Variants in SND1 observed in about 807,000 individuals in gnomAD.
SND1 encodes staphylococcal nuclease domain-containing protein 1.
Under a neutral mutation model 121.7 loss-of-function variants are expected in SND1, and 38 were observed. The ratio of observed to expected loss-of-function variants is 0.31; its 90% CI spans 0.24 to 0.41. The LOEUF (loss-of-function observed/expected upper bound fraction) is 0.41. Ranked by LOEUF, SND1 falls within the 10% of genes least tolerant of loss-of-function variation. The probability of loss-of-function intolerance (pLI) is 1.00; values close to 1 mark genes in which losing one functional copy is unlikely to be tolerated. For missense variants in SND1, 868 were observed against 1,184.6 expected (o/e 0.73, Z 3.92); for synonymous variants, 401 against 447.4 (o/e 0.90, Z 1.31).
intron 1 of SND1, among the ~76,000 whole-genome samples, chr7:127,653,027 G>C (rs1470993885): frequency 1.3e-5 from 2 of 152,144 alleles, no homozygotes; most frequent in Non-Finnish European, 2.9e-5. Context: ...AAGAATCTTA[G>C]TAATCATCAT....
intron 16 of SND1, among the ~76,000 whole-genome samples, chr7:127,994,294 T>TA (rs1276615114): frequency 6.6e-6 from 1 of 152,140 alleles, no homozygotes; most frequent in Non-Finnish European, 1.5e-5. Context: ...CCTGCCCTCT[T>TA]ACGTTGCATT....
intron 3 of SND1, among the ~76,000 whole-genome samples, chr7:127,697,958 CAT>C (rs1362810713): frequency 6.6e-6 from 1 of 152,168 alleles, no homozygotes; most frequent in African/African-American, 2.4e-5. Flanking sequence ...ATTATTCCCT[CAT>C]AGATGTCTTC....
intron 14 of SND1, among the ~76,000 whole-genome samples, chr7:127,917,219 G>A (rs1031718424): frequency 1.3e-5 from 2 of 152,110 alleles, no homozygotes; most frequent in Non-Finnish European, 2.9e-5. Context: ...AAAGCCACTG[G>A]GTGGGGTAAG....
intron 14 of SND1, among the ~76,000 whole-genome samples, chr7:127,920,858 CAAA>C (rs34784173): frequency 1.7e-5 from 2 of 120,408 alleles, no homozygotes; most frequent in Admixed American, 8.6e-5. Context: ...CTTATCTTAA[CAAA>C]AAAAAAAAAA....
At chr7:127,678,470 A>G (rs1047089543) in intron 1 of SND1, among the ~76,000 whole-genome samples, 6 of 152,186 alleles carry the variant, frequency 3.9e-5, no homozygotes, top group Admixed American at 1.3e-4. Context: ...CCAGTGAGTC[A>G]GCACTGCCAT....
At chr7:127,870,227 A>C (rs1563042068) in intron 12 of SND1, among the ~76,000 whole-genome samples, 1 of 152,150 alleles carries the variant, frequency 6.6e-6, no homozygotes, top group Non-Finnish European at 1.5e-5. Flanking sequence ...TTTAATACTT[A>C]CTGTGCAGTA....
chr7:128,087,711 C>T (rs1464734204), intron 21 of SND1, among the ~76,000 whole-genome samples: 4 of 152,114 alleles, frequency 2.6e-5, no homozygotes, highest in African/African-American at 9.7e-5. Context: ...TAGTTAAAAC[C>T]ATGCGGTGTA....
intron 12 of SND1, among the ~76,000 whole-genome samples, chr7:127,882,695 C>T (rs1469802442): frequency 1.3e-5 from 2 of 152,106 alleles, no homozygotes; most frequent in East Asian, 3.9e-4. Context: ...CTTTTGGCTG[C>T]TAATGAAAGG....
intron 4 of SND1, among the ~76,000 whole-genome samples, chr7:127,699,305 C>T (rs766524475): frequency 6.6e-6 from 1 of 152,262 alleles, no homozygotes; most frequent in African/African-American, 2.4e-5. Flanking sequence ...TTTCTAGGCA[C>T]TGAGAATATA....
At chr7:127,666,443 T>C (rs1360522895) in intron 1 of SND1, among the ~76,000 whole-genome samples, 10 of 151,962 alleles carry the variant, frequency 6.6e-5, no homozygotes, top group Non-Finnish European at 1.3e-4. Context: ...CCTCAGAAAA[T>C]TGATTTTTGG....
chr7:128,007,653 A>C (rs1380435927), intron 16 of SND1, among the ~76,000 whole-genome samples: 1 of 152,242 alleles, frequency 6.6e-6, no homozygotes, highest in East Asian at 1.9e-4. Context: ...TGGGAAACTC[A>C]ATCTAGTTAT....
At chr7:127,652,513 C>A in intron 1 of SND1, 62 bp downstream of exon 1, 3 of 1,353,614 alleles carry the variant, frequency 2.2e-6, no homozygotes, top group Non-Finnish European at 2.0e-6. Flanking sequence ...CAGGCATTGA[C>A]TCCACCTTCC....
chr7:127,774,071 T>C (rs774179641), intron 10 of SND1, among the ~76,000 whole-genome samples: 6 of 152,206 alleles, frequency 3.9e-5, no homozygotes, highest in Non-Finnish European at 7.3e-5. Flanking sequence ...GTATACTCTT[T>C]CTGCTTATTT....
At chr7:127,965,892 CTT>C (rs1179481883) in intron 15 of SND1, among the ~76,000 whole-genome samples, 1 of 24,432 alleles carries the variant, frequency 4.1e-5, no homozygotes, top group African/African-American at 1.8e-4. Context: ...GTCCTGGACT[CTT>C]TTTGGTTGGT....
At position 127,710,212 on chromosome 7, in the gene SND1, C is replaced by T. The variant is rs141299126; in HGVS notation, c.1038+2565C>T. Among the ~76,000 whole-genome samples the T allele has an allele frequency of 3.0e-4, 45 of 152,106 alleles. No homozygotes were observed. The East Asian group carries it at 7.9e-3, about 27-fold the overall frequency. On this transcript the variant is annotated intron_variant, in intron 9 of 23. Transcript: ENST00000354725. ...AAATTGGAACATAGCTATATGTGTT[C>T]GCTTGTGTATTGTGTGTGTCTGTTC... is the stretch of plus-strand genomic sequence containing the variant.
chr7:127,959,739 C>T (rs1173068070), intron 15 of SND1, among the ~76,000 whole-genome samples: 5 of 152,158 alleles, frequency 3.3e-5, no homozygotes, highest in Non-Finnish European at 7.3e-5. Flanking sequence ...CTCTCTCCAC[C>T]AGGATGTTAA....
intron 2 of SND1, among the ~76,000 whole-genome samples, chr7:127,692,947 G>T (rs1455214209): frequency 6.6e-6 from 1 of 152,210 alleles, no homozygotes; most frequent in African/African-American, 2.4e-5. Context: ...GCAGGGGCTA[G>T]TTATTTTCCT....
intron 15 of SND1, among the ~76,000 whole-genome samples, chr7:127,978,541 T>C (rs1802181577): frequency 6.6e-6 from 1 of 151,986 alleles, no homozygotes; most frequent in Non-Finnish European, 1.5e-5. Context: ...TGATCAGACG[T>C]ACAGGAAAGT....
intron 15 of SND1, among the ~76,000 whole-genome samples, chr7:127,978,121 C>T (rs757459123): frequency 3.3e-5 from 5 of 151,950 alleles, no homozygotes; most frequent in Admixed American, 6.6e-5. Flanking sequence ...AATGGATAGA[C>T]CTGCCAAAGG....
Sources: gnomAD v4.1 joint callset for allele counts (sites outside exome capture counted in the v4.1 genomes callset) on GRCh38, gnomAD v4.1.1 for gene constraint, MANE v1.5 for transcripts, NCBI Gene and HGNC (gene_info 2026-07-23, HGNC 2026-07-21) for gene names.